The following RBFOX1 variants were observed in gnomAD, a reference collection of about 807,000 sequenced individuals.
The protein encoded by RBFOX1 is RNA binding protein fox-1 homolog 1.
Under a neutral mutation model 57.7 loss-of-function variants are expected in RBFOX1, and 8 were observed. The ratio of observed to expected loss-of-function variants is 0.14; its 90% confidence interval spans 0.08 to 0.25. RBFOX1 has a LOEUF of 0.25. Among genes scored for constraint, RBFOX1 ranks in the 10% least tolerant of loss-of-function variants. The pLI is 1.00. For synonymous variants in RBFOX1, 326 were observed against 222.4 expected (o/e 1.47, Z -4.15); for missense variants, 611 against 548.5 (o/e 1.11, Z -1.14).
chr16:7,543,803 C>T (rs928989578), intron 5 of RBFOX1, among the ~76,000 whole-genome samples: 1 of 152,002 alleles, frequency 6.6e-6, no homozygotes, highest in Non-Finnish European at 1.5e-5. Context: ...TCACTGCAAC[C>T]TCTACCTCCT....
chr16:5,548,174 A>AAATATATATATATATATAT (rs1555462290), intron 2 of RBFOX1, among the ~76,000 whole-genome samples: 3 of 33,580 alleles, frequency 8.9e-5, no homozygotes, highest in African/African-American at 1.6e-4. Context: ...AAAAAAAAAA[A>AAATATATATATATATATAT]ATATATATAT....
intron 3 of RBFOX1, among the ~76,000 whole-genome samples, chr16:6,747,750 G>C (rs909825555): frequency 1.7e-4 from 26 of 152,120 alleles, no homozygotes; most frequent in African/African-American, 6.0e-4. Flanking sequence ...ACAGCAACTT[G>C]TGCAAAGAGA....
At chr16:6,475,323 A>G (rs1317206362) in intron 2 of RBFOX1, among the ~76,000 whole-genome samples, 1 of 152,168 alleles carries the variant, frequency 6.6e-6, no homozygotes, top group Non-Finnish European at 1.5e-5. Flanking sequence ...ATGAGGCTAT[A>G]TGTGCATGCT....
At chr16:6,268,502 C>G (rs1171178838) in intron 1 of RBFOX1, among the ~76,000 whole-genome samples, 1 of 152,188 alleles carries the variant, frequency 6.6e-6, no homozygotes, top group East Asian at 1.9e-4. Context: ...CCTCCTGAAT[C>G]AGAATTGACA....
At chr16:5,635,295 G>T (rs536430446) in intron 3 of RBFOX1, among the ~76,000 whole-genome samples, 29 of 152,134 alleles carry the variant, frequency 1.9e-4, no homozygotes, top group Non-Finnish European at 2.6e-4. Flanking sequence ...TCTACACAGG[G>T]ATCATACAAA....
At chr16:5,458,446 A>G (rs1433476004) in intron 1 of RBFOX1, among the ~76,000 whole-genome samples, 1 of 152,178 alleles carries the variant, frequency 6.6e-6, no homozygotes, top group Non-Finnish European at 1.5e-5. Context: ...AAGAAGTGGG[A>G]AGCTATATAA....
rs71386523 is a variant in RBFOX1 at position 6,407,596 on chromosome 16, G to GAGAGGAC, written c.-64+90539_-64+90540insAGAGGAC. Among the ~76,000 whole-genome samples, 35 of 146,192 alleles carry GAGAGGAC rather than the reference G, an allele frequency of 2.4e-4. 1 individual carries two copies. The South Asian group carries it at 3.3e-3, about 14-fold the overall frequency. On this transcript the variant is annotated intron_variant, in intron 2 of 15. Transcript: ENST00000550418. ...GAGAGAGAGAGAGAGAGAGAGAGAAGTACATTCTATCCTAGGAAATGGGAA... is the reference window on the plus strand; with the variant it reads ...GAGAGAGAGAGAGAGAGAGAGAGAAGAGAGGACTACATTCTATCCTAGGAAATGGGAA...
chr16:6,890,814 C>G (rs1054493893), intron 3 of RBFOX1, among the ~76,000 whole-genome samples: 1 of 152,160 alleles, frequency 6.6e-6, no homozygotes, highest in Non-Finnish European at 1.5e-5. Context: ...TGAAAAGTAA[C>G]TGGAACCATT....
chr16:5,533,079 C>G (rs1341775979), intron 2 of RBFOX1, among the ~76,000 whole-genome samples: 3 of 152,076 alleles, frequency 2.0e-5, no homozygotes, highest in Non-Finnish European at 4.4e-5. Flanking sequence ...TGTTTTGCCT[C>G]TGAAAGTGCA....
intron 3 of RBFOX1, among the ~76,000 whole-genome samples, chr16:6,983,291 C>T (rs958460250): frequency 2.6e-5 from 4 of 152,072 alleles, no homozygotes; most frequent in African/African-American, 9.7e-5. Context: ...GTGCAGTTGT[C>T]TATCCAATGA....
chr16:6,597,528 C>G (rs148432953), intron 2 of RBFOX1, among the ~76,000 whole-genome samples: 6,459 of 152,124 alleles, frequency 0.042, 437 homozygotes, highest in African/African-American at 0.14. Context: ...AAAAAATTAG[C>G]CAGGCGTGGT....
At chr16:6,682,411 A>T (rs1192182693) in intron 3 of RBFOX1, among the ~76,000 whole-genome samples, 1 of 130,796 alleles carries the variant, frequency 7.6e-6, no homozygotes, top group Non-Finnish European at 1.6e-5. Flanking sequence ...TGTGAAGACT[A>T]AAAAAAAAGT....
In RBFOX1 at chr16:6,288,219, C is replaced by T. The variant is rs560099828; in HGVS notation, c.-126-28776C>T. 5.3e-5 allele frequency among the ~76,000 whole-genome samples: 7 copies of T among 131,312 alleles called. No individual in the cohort carries two copies. In the South Asian group the frequency reaches 2.1e-3, roughly 39 times the overall value. 86.1% of individuals were successfully genotyped at this position (131,312 alleles called of 152,430 possible). On this transcript the variant is annotated intron_variant, in intron 1 of 15. Coordinates refer to ENST00000550418, the MANE Select transcript of RBFOX1 (RefSeq NM_018723.4). Reference sequence around the variant, plus strand: ...GAGAAAATGTTTGTGGTCAACAATGCTTATCAGAATGGTGTGAACGGTTTT... The same window carrying T: ...GAGAAAATGTTTGTGGTCAACAATGTTTATCAGAATGGTGTGAACGGTTTT...
In RBFOX1 at chr16:6,965,991, A is replaced by G. The variant is rs544570021; in HGVS notation, c.-15-86066A>G. On this transcript the variant is annotated intron_variant, in intron 3 of 15. Transcript: ENST00000550418. ...ACTTAGGGCTTTGGAATGGGGAGTA[A>G]ATGCTCAAAATGGAGCGTATCATAG... 1.9e-4 allele frequency among the ~76,000 whole-genome samples: 29 copies of G among 152,238 alleles called. No individual in the cohort carries two copies. In the South Asian group the frequency reaches 5.2e-3, roughly 27 times the overall value.
At chr16:7,224,764 A>C (rs2092985192) in intron 4 of RBFOX1, among the ~76,000 whole-genome samples, 1 of 152,202 alleles carries the variant, frequency 6.6e-6, no homozygotes, top group Admixed American at 6.5e-5. Flanking sequence ...TGAGTGTCCA[A>C]AGTCCTCGTT....
intron 4 of RBFOX1, among the ~76,000 whole-genome samples, chr16:7,492,785 A>C (rs980798129): frequency 2.6e-5 from 4 of 151,894 alleles, no homozygotes; most frequent in Non-Finnish European, 4.4e-5. Flanking sequence ...TCTTGCCCCG[A>C]CTCTCACCAT....
chr16:5,505,799 T>C (rs138277633), intron 2 of RBFOX1, among the ~76,000 whole-genome samples: 1 of 152,292 alleles, frequency 6.6e-6, no homozygotes, highest in Admixed American at 6.5e-5. Flanking sequence ...GGGATACCCC[T>C]GGCAGCTGTC....
intron 2 of RBFOX1, among the ~76,000 whole-genome samples, chr16:5,580,189 C>G (rs1006832159): frequency 2.0e-5 from 3 of 152,192 alleles, no homozygotes; most frequent in African/African-American, 7.2e-5. Flanking sequence ...GTGATGGTGC[C>G]TAGGGGGACC....
At chr16:6,188,880 A>G (rs2097124437) in intron 1 of RBFOX1, among the ~76,000 whole-genome samples, 1 of 148,164 alleles carries the variant, frequency 6.7e-6, no homozygotes, top group South Asian at 2.2e-4. Flanking sequence ...AGTGGACTAA[A>G]ACACCAGTCT....
Sources: gnomAD v4.1 joint callset for allele counts (sites outside exome capture counted in the v4.1 genomes callset) on GRCh38, gnomAD v4.1.1 for gene constraint, MANE v1.5 for transcripts, NCBI Gene and HGNC (gene_info 2026-07-23, HGNC 2026-07-21) for gene names.